Variants in TESK2 observed in about 807,000 individuals in gnomAD.
The protein encoded by TESK2 is dual specificity testis-specific protein kinase 2.
In TESK2, 39 loss-of-function variants were observed where a neutral mutation model predicts 57.1. That is an observed-to-expected ratio of 0.68 (90% CI 0.53 to 0.89). The LOEUF (loss-of-function observed/expected upper bound fraction) is 0.89, where lower values mean the gene tolerates loss of function less well. TESK2 is among the 40% of genes least tolerant of loss of function. The pLI, the probability that TESK2 is intolerant of heterozygous loss-of-function variation, is 0.00. For missense variants in TESK2, 646 were observed against 732.1 expected (o/e 0.88, Z 1.36); for synonymous variants, 249 against 267.9 (o/e 0.93, Z 0.69).
intron 1 of TESK2, among the ~76,000 whole-genome samples, chr1:45,472,973 T>TAAAAAAAAAAA (rs1023886539): frequency 4.0e-5 from 4 of 100,836 alleles, no homozygotes; most frequent in South Asian, 3.1e-4. Context: ...CTGTCTCTAC[T>TAAAAAAAAAAA]AAAAAAAAAA....
intron 1 of TESK2, among the ~76,000 whole-genome samples, chr1:45,472,210 C>G (rs1047866039): frequency 6.7e-6 from 1 of 148,912 alleles, no homozygotes; most frequent in African/African-American, 2.5e-5. Context: ...CGAGATAGTG[C>G]CACTGTACTC....
intron 4 of TESK2, among the ~76,000 whole-genome samples, chr1:45,368,886 T>A (rs527347733): frequency 5.3e-5 from 8 of 152,062 alleles, no homozygotes; most frequent in Non-Finnish European, 1.2e-4. Context: ...GAAGCTGGAA[T>A]TACAGGTGTG....
chr1:45,373,028 C>CAAAAAAAAAAAAA (rs200182758), intron 4 of TESK2, among the ~76,000 whole-genome samples: 1 of 61,030 alleles, frequency 1.6e-5, no homozygotes, highest in East Asian at 4.7e-4. Context: ...ATCTCCGTCT[C>CAAAAAAAAAAAAA]AAAAAAAAAA....
chr1:45,363,272 C>T (rs1196597876), intron 4 of TESK2, among the ~76,000 whole-genome samples: 1 of 152,134 alleles, frequency 6.6e-6, no homozygotes, highest in Non-Finnish European at 1.5e-5. Context: ...CATTCTCACG[C>T]CTCCCTTAGG....
In TESK2 at chr1:45,344,931, A is replaced by G. The variant is rs747906747; in HGVS notation, c.1625T>C (p.Met542Thr). ...SPCPAGASEE[M>T]EVEERPAGST... ...GCCTGCTGGCCTTTCTTCTACCTCCATCTCCTCAGAAGCACCCGCAGGGCA... is the reference window on the plus strand; with the variant it reads ...GCCTGCTGGCCTTTCTTCTACCTCCGTCTCCTCAGAAGCACCCGCAGGGCA... The change falls in exon 11 of 11, where the codon ATG becomes ACG. Residue 542 changes from methionine (M) to threonine (T), a missense_variant. Coordinates refer to ENST00000372086, the MANE Select transcript of TESK2 (RefSeq NM_007170.3). 1.7e-5 allele frequency: 27 copies of G among 1,614,098 alleles called. 1 individual carries two copies. The South Asian group carries it at 1.9e-4, about 11-fold the overall frequency.
intron 3 of TESK2, among the ~76,000 whole-genome samples, chr1:45,406,910 CT>C (rs1649870765): frequency 1.3e-5 from 2 of 152,096 alleles, no homozygotes; most frequent in African/African-American, 4.8e-5. Context: ...TTCTATTTAC[CT>C]TCATACATCT....
At chr1:45,477,661 G>C (rs1653052200) in intron 1 of TESK2, among the ~76,000 whole-genome samples, 1 of 42,294 alleles carries the variant, frequency 2.4e-5, no homozygotes, top group Non-Finnish European at 4.3e-5. Flanking sequence ...CCAAATTTCA[G>C]ACTAGCCAGA....
At chr1:45,403,360 G>A (rs960828665) in intron 3 of TESK2, among the ~76,000 whole-genome samples, 4 of 152,116 alleles carry the variant, frequency 2.6e-5, no homozygotes, top group South Asian at 2.1e-4. Context: ...TAATATCCTC[G>A]GGTAAGTGCA....
chr1:45,398,983 G>GAAAAAAAA (rs372886401), intron 3 of TESK2: 177 of 236,570 alleles, frequency 7.5e-4, no homozygotes, highest in Middle Eastern at 1.5e-3. Flanking sequence ...ACTAGGACCT[G>GAAAAAAAA]AAAAAAAAAA....
In TESK2 at chr1:45,480,785, C is replaced by T. The variant is rs531432032; in HGVS notation, c.-87+10067G>A. On this transcript the variant is annotated intron_variant, in intron 1 of 10. Transcript: ENST00000372086. The stretch of plus-strand genomic sequence containing the variant: ...GGTGGATCACCTGAGGTCAGGAGTT[C>T]GAGACTAGCCTGACCAACATGGTTA... Among the ~76,000 whole-genome samples the T allele has an allele frequency of 1.7e-4, 25 of 150,252 alleles. No individual in the cohort carries two copies. The South Asian group carries it at 3.2e-3, about 19-fold the overall frequency.
At chr1:45,371,222 C>A (rs1648165074) in intron 4 of TESK2, among the ~76,000 whole-genome samples, 1 of 152,040 alleles carries the variant, frequency 6.6e-6, no homozygotes, top group Non-Finnish European at 1.5e-5. Flanking sequence ...AAAAATAGAA[C>A]TACTATATGG....
intron 1 of TESK2, among the ~76,000 whole-genome samples, chr1:45,470,037 C>T (rs1477734064): frequency 6.6e-6 from 1 of 152,084 alleles, no homozygotes; most frequent in African/African-American, 2.4e-5. Flanking sequence ...TAATATTATC[C>T]CACAAAGTCA....
intron 4 of TESK2, among the ~76,000 whole-genome samples, chr1:45,356,957 G>A (rs1336164659): frequency 6.6e-6 from 1 of 152,088 alleles, no homozygotes; most frequent in Non-Finnish European, 1.5e-5. Context: ...ACTTTGGGAG[G>A]CCGAGGCGGG....
At position 45,344,408 on chromosome 1, in the gene TESK2, C is replaced by T. The variant is rs1014353394; in HGVS notation, c.*432G>A. 4 of 170,386 alleles carry T rather than the reference C, an allele frequency of 2.3e-5. No homozygotes were observed. Among genetic ancestry groups the T allele is most frequent in the East Asian group, 1.7e-4 (1 of 5,940 alleles). 10.6% of individuals were successfully genotyped at this position (170,386 alleles called of 1,614,324 possible). ...CACCCCAATATTCAGGTCTGGGAAA[C>T]AGCCATGACCATTACGGCCTCTTGA... On this transcript the variant is annotated 3_prime_UTR_variant, in exon 11 of 11. Coordinates refer to ENST00000372086, the MANE Select transcript of TESK2 (RefSeq NM_007170.3).
At chr1:45,466,055 T>C (rs918427235) in intron 1 of TESK2, among the ~76,000 whole-genome samples, 1 of 152,092 alleles carries the variant, frequency 6.6e-6, no homozygotes, top group African/African-American at 2.4e-5. Context: ...CAAAATAATA[T>C]ATACTAATCG....
chr1:45,420,025 A>G lies in TESK2; in HGVS notation c.344+1700T>C, dbSNP rs1387127020. On this transcript the variant is annotated intron_variant, in intron 3 of 10. Coordinates refer to ENST00000372086, the MANE Select transcript of TESK2 (RefSeq NM_007170.3). ...GAGTTCTCTCTAGCCTAATATAAAC[A>G]TACAAAAAATAGCAATAAATGACCC... Among the ~76,000 whole-genome samples the G allele has an allele frequency of 3.3e-5, 5 of 152,310 alleles. No individual in the cohort carries two copies. The East Asian group carries it at 9.6e-4, about 29-fold the overall frequency.
At chr1:45,401,143 T>A (rs1416701724) in intron 3 of TESK2, among the ~76,000 whole-genome samples, 3 of 151,298 alleles carry the variant, frequency 2.0e-5, no homozygotes, top group African/African-American at 4.9e-5. Flanking sequence ...ACATCTGTAA[T>A]CCCAGCACTT....
chr1:45,427,519 CAACA>C (rs1650748891), intron 2 of TESK2, among the ~76,000 whole-genome samples: 1 of 152,086 alleles, frequency 6.6e-6, no homozygotes, highest in Non-Finnish European at 1.5e-5. Context: ...AAGTGTCCAT[CAACA>C]AACAAATGGA....
At chr1:45,362,115 C>T (rs1349173873) in intron 4 of TESK2, among the ~76,000 whole-genome samples, 3 of 152,216 alleles carry the variant, frequency 2.0e-5, no homozygotes, top group Non-Finnish European at 4.4e-5. Context: ...GAAGTAGGCC[C>T]TCACCAAACA....
Sources: allele counts gnomAD v4.1 joint callset (sites outside exome capture counted in the v4.1 genomes callset), GRCh38; gene constraint gnomAD v4.1.1; transcripts MANE v1.5; gene names NCBI Gene and HGNC (gene_info 2026-07-23, HGNC 2026-07-21).